SPMIP2: variants seen among roughly 807,000 people sequenced by gnomAD.
SPMIP2 encodes the protein sperm microtubule inner protein 2, also known as protein SPMIP2.
chr4:159,037,825 C>CACAA, the SPMIP2 span, among the ~76,000 whole-genome samples: 1 of 102,330 alleles, frequency 9.8e-6, no homozygotes, highest in East Asian at 4.2e-4. Context: ...CACACACACA[C>CACAA]ACATATATAT....
chr4:158,968,091 G>A, the SPMIP2 span, among the ~76,000 whole-genome samples: 18 of 152,086 alleles, frequency 1.2e-4, no homozygotes, highest in African/African-American at 2.7e-4. Context: ...ACGCAGTGGC[G>A]CGATCTTAGC....
At chr4:158,895,702 C>A in the SPMIP2 span, 2 of 1,156,606 alleles carry the variant, frequency 1.7e-6, no homozygotes, top group Non-Finnish European at 2.6e-6. Flanking sequence ...AAAATATTGG[C>A]AGAGATTTGA....
At chr4:159,000,204 A>G in the SPMIP2 span, among the ~76,000 whole-genome samples, 1 of 152,232 alleles carries the variant, frequency 6.6e-6, no homozygotes, top group Admixed American at 6.5e-5. Context: ...CATTTTTAGT[A>G]TAAGTATGTC....
At chr4:158,940,555 C>CTTT in the SPMIP2 span, among the ~76,000 whole-genome samples, 1 of 76,698 alleles carries the variant, frequency 1.3e-5, no homozygotes. Context: ...TTCTGTTGTT[C>CTTT]CTTCTTTTTT....
At chr4:159,034,901 A>C in the SPMIP2 span, 3 of 697,578 alleles carry the variant, frequency 4.3e-6, no homozygotes, top group African/African-American at 3.6e-5. Context: ...AAAAAAAAAA[A>C]CCCAAAAAAC....
the SPMIP2 span, among the ~76,000 whole-genome samples, chr4:159,028,037 T>G: frequency 6.6e-6 from 1 of 152,166 alleles, no homozygotes; most frequent in African/African-American, 2.4e-5. Context: ...AATACTTTTA[T>G]TTAGTCAGTA....
the SPMIP2 span, among the ~76,000 whole-genome samples, chr4:158,984,881 G>A: frequency 2.0e-4 from 31 of 151,674 alleles, no homozygotes; most frequent in East Asian, 3.9e-4. Context: ...CTGATACACC[G>A]CTAGCAAGAC....
the SPMIP2 span, among the ~76,000 whole-genome samples, chr4:158,996,746 A>G: frequency 6.6e-6 from 1 of 152,188 alleles, no homozygotes; most frequent in Non-Finnish European, 1.5e-5. Flanking sequence ...CAGTTATCAT[A>G]GGCAGATACA....
At chr4:158,973,380 G>T in the SPMIP2 span, 2 of 961,862 alleles carry the variant, frequency 2.1e-6, no homozygotes, top group African/African-American at 1.6e-5. Flanking sequence ...TATTTTAACC[G>T]TTGAAATACT....
At chr4:158,900,340 G>T in the SPMIP2 span, among the ~76,000 whole-genome samples, 62 of 152,320 alleles carry the variant, frequency 4.1e-4, 1 homozygote, top group African/African-American at 1.5e-3. Context: ...GGAGAGTTCT[G>T]TAGATGTCTA....
the SPMIP2 span, among the ~76,000 whole-genome samples, chr4:159,042,523 A>C: frequency 6.6e-6 from 1 of 152,218 alleles, no homozygotes; most frequent in Non-Finnish European, 1.5e-5. Context: ...AGTCCCTTCC[A>C]CTATGAGATG....
the SPMIP2 span, among the ~76,000 whole-genome samples, chr4:159,064,666 G>GA: frequency 4.7e-3 from 716 of 152,142 alleles, 4 homozygotes; most frequent in Non-Finnish European, 8.0e-3. Flanking sequence ...TTTAATGTCT[G>GA]AAAAATATTA....
the SPMIP2 span, among the ~76,000 whole-genome samples, chr4:158,996,032 C>T: frequency 6.6e-6 from 1 of 152,054 alleles, no homozygotes; most frequent in East Asian, 1.9e-4. Flanking sequence ...GTTTTTCGTC[C>T]CTATTAGAGA....
At chr4:158,983,185 T>C in the SPMIP2 span, among the ~76,000 whole-genome samples, 12 of 152,238 alleles carry the variant, frequency 7.9e-5, no homozygotes, top group South Asian at 2.1e-4. Flanking sequence ...CTATGTCTGA[T>C]TGGTGTACCT....
chr4:158,911,959 A>G, the SPMIP2 span, among the ~76,000 whole-genome samples: 2 of 152,196 alleles, frequency 1.3e-5, no homozygotes, highest in Non-Finnish European at 2.9e-5. Flanking sequence ...CATATGATAT[A>G]TGCATTGTAT....
At chr4:159,066,590 TA>T in the SPMIP2 span, among the ~76,000 whole-genome samples, 219 of 826 alleles carry the variant, frequency 0.27, 1 homozygote, top group East Asian at 0.38. Flanking sequence ...GTGTGTATTT[TA>T]TATATATATA....
the SPMIP2 span, among the ~76,000 whole-genome samples, chr4:159,012,935 A>C: frequency 6.6e-6 from 1 of 152,116 alleles, no homozygotes; most frequent in Admixed American, 6.6e-5. Flanking sequence ...TTAGATTTCC[A>C]CTTCAAAAGC....
At chr4:158,967,126 T>G in the SPMIP2 span, among the ~76,000 whole-genome samples, 1 of 152,216 alleles carries the variant, frequency 6.6e-6, no homozygotes. Context: ...AACATAAAAT[T>G]TATTTTCTGG....
chr4:158,925,962 T>C, the SPMIP2 span, among the ~76,000 whole-genome samples: 1 of 152,180 alleles, frequency 6.6e-6, no homozygotes, highest in Non-Finnish European at 1.5e-5. Flanking sequence ...AGGGTCTCTC[T>C]CAAGCCTCTT....
Sources: gnomAD v4.1 joint callset for allele counts (sites outside exome capture counted in the v4.1 genomes callset) on GRCh38, gnomAD v4.1.1 for gene constraint, MANE v1.5 for transcripts, NCBI Gene and HGNC (gene_info 2026-07-23, HGNC 2026-07-21) for gene names.